The following CENPE variants were observed in gnomAD, a reference collection of about 807,000 sequenced individuals.
The protein encoded by CENPE is centromere-associated protein E.
In CENPE, 145 loss-of-function variants were observed where a neutral mutation model predicts 336.1. The observed-to-expected ratio is 0.43, with a 90% CI of 0.38 to 0.50. CENPE has a LOEUF of 0.50. CENPE is among the 20% of genes least tolerant of loss of function. The pLI is 0.00. For missense variants in CENPE, 2,719 were observed against 3,023.3 expected, an observed-to-expected ratio of 0.90 and a Z score of 2.36; for synonymous variants, 1,013 against 984.8, an observed-to-expected ratio of 1.03 and a Z score of -0.54.
At chr4:103,151,482 G>T in intron 25 of CENPE, 105 bp from the exon 26 acceptor site, 1 of 840,624 alleles carries the variant, frequency 1.2e-6, no homozygotes, top group Non-Finnish European at 1.7e-6. Flanking sequence ...AGAAATCAGG[G>T]AAAACTATAT....
chr4:103,179,216 T>A (rs1003567473), intron 13 of CENPE, among the ~76,000 whole-genome samples: 4 of 152,184 alleles, frequency 2.6e-5, no homozygotes. Context: ...ATTTATCCAA[T>A]TCACTCCAAC....
Position 103,109,039 on chromosome 4 carries a change from AG to A in CENPE, c.7774del (p.Arg2594GlufsTer7). 1 of 1,613,614 alleles carries A rather than the reference AG, an allele frequency of 6.2e-7. No homozygotes were observed. The highest frequency in any genetic ancestry group is 8.5e-7 in the Non-Finnish European group (1 of 1,179,764). On this transcript the variant is annotated frameshift_variant, in exon 48 of 49. Transcript: ENST00000265148. LOFTEE classifies it high-confidence loss of function. Reference sequence around the variant, plus strand: ...TACTTGTTTGTGAGCCTCTCTTTTAAGGGTTCTTTCCTTCCAAGTTTTGACC... The same window carrying A: ...TACTTGTTTGTGAGCCTCTCTTTTAAGGTTCTTTCCTTCCAAGTTTTGACC... ...NEVKTWKERT[L>X]KREAHKQVTC... is the part of the protein sequence containing the mutation.
At chr4:103,170,894 T>C (rs1009811292) in intron 16 of CENPE, among the ~76,000 whole-genome samples, 4 of 152,162 alleles carry the variant, frequency 2.6e-5, no homozygotes, top group Non-Finnish European at 4.4e-5. Context: ...GCTATACTTA[T>C]ATCAGCTAAA....
chr4:103,144,606 G>C lies in CENPE; in HGVS notation c.4870C>G (p.Gln1624Glu). The change falls in exon 33 of 49, where the codon CAA becomes GAA. Residue 1624 changes from glutamine (Q) to glutamate (E), a missense_variant. Gln to Glu is a conservative substitution (Grantham distance 29, BLOSUM62 2). Transcript: ENST00000265148. Reference sequence around the variant, plus strand: ...TTAAGAAACTGATATTCTTTTTCTTGAGATTCTTTCATCTGAGAAAATTAT... The same window carrying C: ...TTAAGAAACTGATATTCTTTTTCTTCAGATTCTTTCATCTGAGAAAATTAT... The part of the protein sequence containing the change: ...KEIVAKMKES[Q>E]EKEYQFLKMT... The C allele has an allele frequency of 4.4e-6, 7 of 1,602,450 alleles. No homozygotes were observed. The highest frequency in any genetic ancestry group is 6.0e-6 in the Non-Finnish European group (7 of 1,175,342).
intron 24 of CENPE, among the ~76,000 whole-genome samples, chr4:103,156,436 T>C (rs750359409): frequency 3.3e-5 from 5 of 152,144 alleles, no homozygotes; most frequent in Non-Finnish European, 7.4e-5. Flanking sequence ...CTTGTGTATA[T>C]GGTCACAGTA....
At chr4:103,194,326 A>G (rs749379259) in intron 7 of CENPE, 32 bp from the exon 8 acceptor site, 2 of 1,610,148 alleles carry the variant, frequency 1.2e-6, no homozygotes, top group Non-Finnish European at 1.7e-6. Flanking sequence ...TAGAAAAATT[A>G]GTGCATTCTT....
At chr4:103,159,508 A>G (rs985903456) in intron 21 of CENPE, among the ~76,000 whole-genome samples, 184 bp from the exon 22 acceptor site, 3 of 151,890 alleles carry the variant, frequency 2.0e-5, no homozygotes, top group African/African-American at 7.2e-5. Context: ...GTTTAACTCT[A>G]CCTTTGATGT....
At chr4:103,166,699 A>G (rs1327120989) in intron 16 of CENPE, among the ~76,000 whole-genome samples, 3 of 152,208 alleles carry the variant, frequency 2.0e-5, no homozygotes, top group Admixed American at 2.0e-4. Context: ...AAGTCTGAAG[A>G]GTAGCTGCAA....
rs149725992 is a variant in CENPE, at chr4:103,135,154, T to C, written c.6522+987A>G. Among the ~76,000 whole-genome samples, 1,450 of 152,356 alleles carry C rather than the reference T, an allele frequency of 9.5e-3. 15 individuals are homozygous for C. The highest frequency in any genetic ancestry group is 0.047 in the South Asian group (226 of 4,828). On this transcript the variant is annotated intron_variant, in intron 40 of 48. Coordinates refer to ENST00000265148, the MANE Select transcript of CENPE (RefSeq NM_001813.3). ...TTTATCTTTTCCAGAGTTCTGTTTT[T>C]ATCCCAAGGCTCTTAGTCTTCATTA...
At chr4:103,110,803 T>A in intron 47 of CENPE, 25 bp downstream of exon 47, 2 of 1,535,434 alleles carry the variant, frequency 1.3e-6, no homozygotes, top group Non-Finnish European at 1.8e-6. Context: ...AAGCATAATA[T>A]CCGTATCATG....
In CENPE at chr4:103,106,330, T is replaced by C; in HGVS notation, c.8012-14A>G. ...CATTTTGCACCTCTGAGAAAGAAAATGAAAACAACATTCATCCTATTACAA... is the reference window on the plus strand; with the variant it reads ...CATTTTGCACCTCTGAGAAAGAAAACGAAAACAACATTCATCCTATTACAA... On this transcript the variant is annotated splice_polypyrimidine_tract_variant and intron_variant, in intron 48 of 48. Coordinates refer to ENST00000265148, the MANE Select transcript of CENPE (RefSeq NM_001813.3). 1.3e-6 allele frequency: 2 copies of C among 1,574,238 alleles called. No homozygotes were observed. The highest frequency in any genetic ancestry group is 1.2e-5 in the South Asian group (1 of 84,814).
chr4:103,111,951 T>A (rs1450920018), intron 46 of CENPE, among the ~76,000 whole-genome samples: 3 of 151,958 alleles, frequency 2.0e-5, no homozygotes, highest in Non-Finnish European at 2.9e-5. Context: ...ACCCACAACT[T>A]TCGGTTTGAT....
intron 44 of CENPE, 148 bp downstream of exon 44, chr4:103,120,000 T>G (rs1054067277): frequency 3.8e-6 from 2 of 531,990 alleles, no homozygotes; most frequent in Admixed American, 3.8e-5. Context: ...TAAGTTAAGC[T>G]GCTTCTGCTT....
At chr4:103,165,783 A>G (rs1049182609) in intron 16 of CENPE, among the ~76,000 whole-genome samples, 3 of 151,990 alleles carry the variant, frequency 2.0e-5, no homozygotes, top group Non-Finnish European at 4.4e-5. Context: ...CAGGAATGTG[A>G]GACTAGCCTG....
intron 39 of CENPE, 122 bp from the exon 40 acceptor site, chr4:103,136,481 G>GA (rs1467299345): frequency 1.7e-6 from 1 of 602,832 alleles, no homozygotes; most frequent in African/African-American, 1.9e-5. Flanking sequence ...GAGAAATAAA[G>GA]ACCTTTGTGT....
Position 103,120,172 on chromosome 4 carries a change from T to C in CENPE, c.7305A>G (p.Thr2435=), listed in dbSNP as rs763228807. 1.2e-6 allele frequency: 2 copies of C among 1,602,554 alleles called. No homozygotes were observed. Among genetic ancestry groups the C allele is most frequent in the South Asian group, 2.3e-5 (2 of 87,794 alleles). Residue 2435 remains threonine (T), a synonymous_variant, in exon 44 of 49, where the codon ACA becomes ACG. Transcript: ENST00000265148. ...VHESNKCLEK[T]KETIQVLQDK... is the part of the protein sequence containing the mutation. ...CCTGAAGTACTTGAATTGTCTCTTT[T>C]GTTTTTTCAAGGCATTTATTTGATT...
At chr4:103,113,741 T>C (rs916380275) in intron 46 of CENPE, among the ~76,000 whole-genome samples, 1 of 148,472 alleles carries the variant, frequency 6.7e-6, no homozygotes, top group Non-Finnish European at 1.5e-5. Context: ...ATAATAAGTA[T>C]ATATATAAGC....
chr4:103,117,876 C>A (rs577294347), intron 44 of CENPE, among the ~76,000 whole-genome samples: 12 of 152,278 alleles, frequency 7.9e-5, no homozygotes, highest in Middle Eastern at 3.4e-3. Context: ...GATCCGCCCG[C>A]CTCAGCCTCC....
intron 24 of CENPE, among the ~76,000 whole-genome samples, chr4:103,154,677 T>C (rs1206327504): frequency 6.6e-6 from 1 of 152,192 alleles, no homozygotes; most frequent in African/African-American, 2.4e-5. Context: ...ATTTCAAATC[T>C]GAACTCAGCC....
Sources: gnomAD v4.1 joint callset for allele counts (sites outside exome capture counted in the v4.1 genomes callset) on GRCh38, gnomAD v4.1.1 for gene constraint, MANE v1.5 for transcripts, NCBI Gene and HGNC (gene_info 2026-07-23, HGNC 2026-07-21) for gene names.